Variants in ASS1 observed in about 807,000 individuals in gnomAD.
ASS1 encodes the protein argininosuccinate synthase 1.
A neutral mutation model predicts 60.5 loss-of-function variants in ASS1; 58 were observed. The observed-to-expected ratio is 0.96, with a 90% CI of 0.78 to 1.19. The LOEUF (loss-of-function observed/expected upper bound fraction) is 1.19, where lower values mean the gene tolerates loss of function less well. ASS1 is among the 50% of genes most tolerant of loss of function. The probability of loss-of-function intolerance (pLI) is 0.00; values close to 1 mark genes in which losing one functional copy is unlikely to be tolerated. For missense variants in ASS1, 454 were observed against 547.3 expected (o/e 0.83, Z 1.70); for synonymous variants, 200 against 206.9 (o/e 0.97, Z 0.29).
In ASS1 at chr9:130,477,794, CG is replaced by C. The variant is rs1386669879; in HGVS notation, c.688+839del. ...GGCACAGGGGCACCCAAGGACCAGG[CG>C]GGGGGCTGGCCCATTCGTCCACAAA... On this transcript the variant is annotated intron_variant, in intron 9 of 14. Coordinates refer to ENST00000352480, the MANE Select transcript of ASS1 (RefSeq NM_054012.4). This position sits in a 1 kb window ranked among gnomAD's most constrained non-coding sequence, Gnocchi z 4.2. 1.3e-5 allele frequency among the ~76,000 whole-genome samples: 2 copies of C among 152,068 alleles called. No homozygotes were observed. Among genetic ancestry groups the C allele is most frequent in the Admixed American group, 1.3e-4 (2 of 15,284 alleles).
intron 11 of ASS1, among the ~76,000 whole-genome samples, chr9:130,483,087 T>C (rs1846209670): frequency 6.6e-6 from 1 of 152,170 alleles, no homozygotes; most frequent in Non-Finnish European, 1.5e-5. Flanking sequence ...TTTAGGGTGG[T>C]GTCTTGTTTT....
At chr9:130,467,932 T>C (rs1395179704) in intron 6 of ASS1, among the ~76,000 whole-genome samples, 3 of 152,070 alleles carry the variant, frequency 2.0e-5, no homozygotes, top group African/African-American at 7.2e-5. Context: ...CATAGATGAG[T>C]CTCAGGAGCA....
intron 5 of ASS1, among the ~76,000 whole-genome samples, chr9:130,464,896 G>A (rs983194315): frequency 1.3e-5 from 2 of 151,886 alleles, no homozygotes; most frequent in Non-Finnish European, 2.9e-5. Flanking sequence ...GGGGTGCCGA[G>A]TGCAGGGCCC....
intron 3 of ASS1, 95 bp from the exon 4 acceptor site, chr9:130,458,306 G>T: frequency 6.2e-6 from 9 of 1,462,568 alleles, no homozygotes; most frequent in Non-Finnish European, 8.6e-6. Context: ...GGGTGGCCCC[G>T]TATAGGTCTC....
At chr9:130,486,616 GGAGA>G (rs1371686163) in intron 11 of ASS1, among the ~76,000 whole-genome samples, 1 of 152,194 alleles carries the variant, frequency 6.6e-6, no homozygotes, top group Non-Finnish European at 1.5e-5. Context: ...GCATAAACTT[GGAGA>G]GAGGCCATTT....
chr9:130,498,234 C>T (rs1462324450), intron 13 of ASS1, among the ~76,000 whole-genome samples: 1 of 152,178 alleles, frequency 6.6e-6, no homozygotes, highest in Non-Finnish European at 1.5e-5. Flanking sequence ...GCAGCAGATC[C>T]TCCTGCCTCC....
Position 130,480,578 on chromosome 9 carries a change from C to G in ASS1, c.838+129C>G, listed in dbSNP as rs1215970. ...GGCGACCTTGGGCACGTCCTTTCAC[C>G]ACACCCCGTGAGACCGCAGTTTCCC... On this transcript the variant is annotated intron_variant, in intron 11 of 14. Transcript: ENST00000352480. The G allele has an allele frequency of 0.27, 265,431 of 977,012 alleles. 39,093 individuals carry two copies. The highest frequency in any genetic ancestry group is 0.32 in the Admixed American group (16,172 of 50,142). 60.5% of individuals were successfully genotyped at this position (977,012 alleles called of 1,614,324 possible). A position where few individuals can be genotyped will look rare whatever the true frequency, so the allele number is the denominator to read the frequency against.
At chr9:130,480,716 A>G (rs1367699120) in intron 11 of ASS1, among the ~76,000 whole-genome samples, 1 of 152,100 alleles carries the variant, frequency 6.6e-6, no homozygotes, top group Non-Finnish European at 1.5e-5. Context: ...TCCGAGGAGC[A>G]GGGAGGCCAG....
chr9:130,467,671 C>A (rs535093437), intron 6 of ASS1, among the ~76,000 whole-genome samples: 1 of 152,122 alleles, frequency 6.6e-6, no homozygotes, highest in Non-Finnish European at 1.5e-5. Context: ...CAAGAGCAAG[C>A]CCATATGTTG....
intron 10 of ASS1, 85 bp downstream of exon 10, chr9:130,479,885 G>A (rs745971609): frequency 2.1e-6 from 3 of 1,440,740 alleles, no homozygotes; most frequent in South Asian, 1.1e-5. Flanking sequence ...TAATGGTTGT[G>A]GCTGAGGCTC....
chr9:130,477,975 C>T lies in ASS1; in HGVS notation c.688+1014C>T, dbSNP rs2118835002. Among the ~76,000 whole-genome samples the T allele has an allele frequency of 6.6e-6, 1 of 152,232 alleles. No homozygotes were observed. The highest frequency in any genetic ancestry group is 3.4e-3 in the Middle Eastern group (1 of 294). Reference sequence around the variant, plus strand: ...TGGGGAGGCAGAGCTGCAGATCCCCCTCTCCCCCTTGCTGGTGTGACCTTG... The same window carrying T: ...TGGGGAGGCAGAGCTGCAGATCCCCTTCTCCCCCTTGCTGGTGTGACCTTG... On this transcript the variant is annotated intron_variant, in intron 9 of 14. Coordinates refer to ENST00000352480, the MANE Select transcript of ASS1 (RefSeq NM_054012.4). The surrounding 1 kb of genome is among the most constrained non-coding windows in gnomAD (Gnocchi z 4.2).
chr9:130,485,193 C>T (rs1357621879), intron 11 of ASS1, among the ~76,000 whole-genome samples: 1 of 152,196 alleles, frequency 6.6e-6, no homozygotes, highest in Non-Finnish European at 1.5e-5. Flanking sequence ...CCTCTCTGGA[C>T]TGATGGGAGG....
intron 8 of ASS1, among the ~76,000 whole-genome samples, chr9:130,474,267 G>A (rs977508343): frequency 7.9e-5 from 12 of 152,022 alleles, no homozygotes; most frequent in Non-Finnish European, 1.6e-4. Flanking sequence ...TTTAATCGGC[G>A]CTGTCAGGTG....
chr9:130,475,710 A>G (rs1845995229), intron 8 of ASS1, among the ~76,000 whole-genome samples: 1 of 142,664 alleles, frequency 7.0e-6, no homozygotes, highest in Non-Finnish European at 1.5e-5. Flanking sequence ...CAGACTGCAG[A>G]TGGGAAGCAA....
intron 4 of ASS1, among the ~76,000 whole-genome samples, chr9:130,462,496 T>C (rs1236786185): frequency 6.6e-6 from 1 of 152,124 alleles, no homozygotes; most frequent in Non-Finnish European, 1.5e-5. Flanking sequence ...GAAGCGTTTG[T>C]TTGGCCTCTT....
rs145360965 is a variant in ASS1, at chr9:130,461,495, C to T, written c.364-2616C>T. Among the ~76,000 whole-genome samples the T allele has an allele frequency of 6.6e-3, 1,009 of 152,250 alleles. 14 individuals are homozygous for T. Among genetic ancestry groups the T allele is most frequent in the African/African-American group, 0.023 (971 of 41,538 alleles). On this transcript the variant is annotated intron_variant, in intron 4 of 14. Transcript: ENST00000352480. ...CCCCCAAGCTAGTGCTATGGCCGCT[C>T]GGGACTTGGGGGCGTCCCTGCATTC... is the stretch of plus-strand genomic sequence containing the variant.
At chr9:130,466,569 A>C in intron 5 of ASS1, 156 bp from the exon 6 acceptor site, 1 of 720,816 alleles carries the variant, frequency 1.4e-6, no homozygotes. Context: ...CCCCTCCTTC[A>C]TGGGGCTCCC....
At chr9:130,450,029 C>T (rs542372372) in intron 1 of ASS1, among the ~76,000 whole-genome samples, 32 of 152,262 alleles carry the variant, frequency 2.1e-4, no homozygotes, top group African/African-American at 6.3e-4. Flanking sequence ...CAGAATTTCC[C>T]GCAACCCAAC....
At chr9:130,484,538 C>T (rs538751031) in intron 11 of ASS1, among the ~76,000 whole-genome samples, 3 of 152,120 alleles carry the variant, frequency 2.0e-5, no homozygotes, top group South Asian at 2.1e-4. Flanking sequence ...CCTGTAAACA[C>T]GGGGAGATGA....
Sources: gnomAD v4.1 joint callset for allele counts (sites outside exome capture counted in the v4.1 genomes callset) on GRCh38, gnomAD v4.1.1 for gene constraint, Gnocchi (gnomAD v3.1) non-coding constraint, MANE v1.5 for transcripts, NCBI Gene and HGNC (gene_info 2026-07-23, HGNC 2026-07-21) for gene names.